ADAM22: variants seen among roughly 807,000 people sequenced by gnomAD.
The protein encoded by ADAM22 is disintegrin and metalloproteinase domain-containing protein 22.
A neutral mutation model predicts 144.6 loss-of-function variants in ADAM22; 65 were observed. The observed-to-expected ratio is 0.45, with a 90% confidence interval of 0.37 to 0.55. The LOEUF is 0.55. Among genes scored for constraint, ADAM22 ranks in the 20% least tolerant of loss-of-function variants. ADAM22 has a pLI of 0.00. For missense variants in ADAM22, 974 were observed against 1,184.9 expected (o/e 0.82, Z 2.61); for synonymous variants, 391 against 412.6 (o/e 0.95, Z 0.63).
chr7:88,123,544 A>G (rs1829780789), intron 7 of ADAM22, among the ~76,000 whole-genome samples: 1 of 152,064 alleles, frequency 6.6e-6, no homozygotes, highest in Admixed American at 6.6e-5. Context: ...TAGTATCTAT[A>G]GAATCTGTAG....
intron 12 of ADAM22, among the ~76,000 whole-genome samples, chr7:88,133,210 A>G (rs1832220865): frequency 6.6e-6 from 1 of 151,852 alleles, no homozygotes; most frequent in South Asian, 2.1e-4. Flanking sequence ...CAAAAATACA[A>G]AAATAGGTTG....
intron 3 of ADAM22, among the ~76,000 whole-genome samples, chr7:88,001,019 T>C (rs1388191103): frequency 6.6e-6 from 1 of 152,222 alleles, no homozygotes; most frequent in Non-Finnish European, 1.5e-5. Context: ...ATTGTTTCTA[T>C]CTTTTGGGGC....
chr7:87,982,701 T>TATATATATATATATATAA (rs1554373733), intron 3 of ADAM22, among the ~76,000 whole-genome samples: 928 of 33,366 alleles, frequency 0.028, 29 homozygotes, highest in African/African-American at 0.044. Context: ...ATATATATAA[T>TATATATATATATATATAA]TTTTTTTTTT....
chr7:88,081,256 T>A (rs2129482925), intron 4 of ADAM22, among the ~76,000 whole-genome samples: 1 of 152,258 alleles, frequency 6.6e-6, no homozygotes, highest in South Asian at 2.1e-4. Flanking sequence ...ATTATCTCAA[T>A]AGATGCAGAA....
intron 11 of ADAM22, chr7:88,131,725 A>G (rs537637850): frequency 2.2e-4 from 80 of 370,814 alleles, no homozygotes; most frequent in African/African-American, 6.2e-4. Context: ...ATTCTTAACT[A>G]CAGATAAATT....
chr7:88,158,932 G>A (rs1840767907), intron 22 of ADAM22, among the ~76,000 whole-genome samples: 2 of 151,916 alleles, frequency 1.3e-5, no homozygotes. Context: ...AAGAGACTGA[G>A]ACATGAAAAG....
intron 14 of ADAM22, among the ~76,000 whole-genome samples, chr7:88,136,385 A>G (rs2129505079): frequency 6.6e-6 from 1 of 152,236 alleles, no homozygotes; most frequent in Admixed American, 6.5e-5. Context: ...AAATTAGAAA[A>G]CAGCCTGGAT....
intron 3 of ADAM22, among the ~76,000 whole-genome samples, chr7:88,067,002 A>G (rs1811419529): frequency 1.3e-5 from 2 of 152,170 alleles, no homozygotes; most frequent in Admixed American, 1.3e-4. Flanking sequence ...TTAATATTAT[A>G]AAAATGCCCA....
intron 3 of ADAM22, among the ~76,000 whole-genome samples, chr7:87,985,265 A>G (rs957036850): frequency 3.8e-4 from 58 of 151,634 alleles, no homozygotes; most frequent in Non-Finnish European, 7.4e-4. Flanking sequence ...GTGAGCCGAG[A>G]TCGCACCACT....
At chr7:88,076,174 A>C (rs1332622444) in intron 4 of ADAM22, among the ~76,000 whole-genome samples, 1 of 151,972 alleles carries the variant, frequency 6.6e-6, no homozygotes, top group African/African-American at 2.4e-5. Flanking sequence ...AGTAGCTGGG[A>C]TTACAGGCGC....
intron 2 of ADAM22, among the ~76,000 whole-genome samples, chr7:87,953,162 G>A (rs1845704076): frequency 1.3e-5 from 2 of 151,682 alleles, no homozygotes; most frequent in Admixed American, 1.3e-4. Flanking sequence ...TCTGATTTTA[G>A]TTATTTCTTG....
At position 88,131,415 on chromosome 7, in the gene ADAM22, T is replaced by C. The variant is rs771685405; in HGVS notation, c.972T>C (p.Ser324=). The C allele has an allele frequency of 1.2e-6, 2 of 1,613,624 alleles. No individual in the cohort carries two copies. The highest frequency in any genetic ancestry group is 2.7e-5 in the African/African-American group (2 of 74,914). ...GGAGGGATTTTATCAAAGAGAAAAG[T>C]GATGCAGTTCACCTTTTTTCGTACG... ...KYRRDFIKEK[S]DAVHLFSGSQ... The change falls in exon 11 of 32, where the codon AGT becomes AGC. Residue 324 remains serine (S), a synonymous_variant. Transcript: ENST00000413139.
intron 4 of ADAM22, among the ~76,000 whole-genome samples, chr7:88,084,370 A>G (rs980126923): frequency 6.6e-6 from 1 of 152,168 alleles, no homozygotes; most frequent in African/African-American, 2.4e-5. Flanking sequence ...GATAAATACA[A>G]ACTTTGTCCA....
chr7:87,979,328 A>G (rs1329268217), intron 3 of ADAM22, among the ~76,000 whole-genome samples: 2 of 152,218 alleles, frequency 1.3e-5, no homozygotes, highest in African/African-American at 4.8e-5. Flanking sequence ...GCCATTAGCC[A>G]CTTGTGGCTG....
chr7:88,142,832 C>T (rs538042944), intron 14 of ADAM22, among the ~76,000 whole-genome samples, 194 bp from the exon 15 acceptor site: 8 of 142,766 alleles, frequency 5.6e-5, no homozygotes, highest in South Asian at 4.3e-4. Flanking sequence ...AGCTAGACTC[C>T]GTCTCAAAAA....
intron 2 of ADAM22, among the ~76,000 whole-genome samples, chr7:87,940,181 C>CAAAAAAA (rs35309253): frequency 2.6e-5 from 2 of 76,026 alleles, no homozygotes; most frequent in African/African-American, 4.7e-5. Flanking sequence ...GTCTTTATCT[C>CAAAAAAA]AAAAAAAAAA....
chr7:88,073,335 C>T (rs1813322460), intron 3 of ADAM22, among the ~76,000 whole-genome samples: 1 of 152,044 alleles, frequency 6.6e-6, no homozygotes, highest in South Asian at 2.1e-4. Flanking sequence ...AGAATTGCAG[C>T]CATCATATCA....
intron 3 of ADAM22, among the ~76,000 whole-genome samples, chr7:88,064,423 A>T (rs1467758639): frequency 6.6e-6 from 1 of 152,152 alleles, no homozygotes; most frequent in South Asian, 2.1e-4. Flanking sequence ...TTCCTCATCT[A>T]TATGGAGATA....
Position 88,202,311 on chromosome 7 carries a change from T to C in ADAM22, c.*5820T>C, listed in dbSNP as rs748912381. ...CTCCTTTTTTAACTTGCTGGAAGAC[T>C]TGCCCCTCCAAACTAGCACCCCCAA... On this transcript the variant is annotated 3_prime_UTR_variant, in exon 32 of 32. Coordinates refer to ENST00000413139, the MANE Select transcript of ADAM22 (RefSeq NM_001324418.2). 9 of 152,208 alleles carry C rather than the reference T, an allele frequency of 5.9e-5. No homozygotes were observed. The highest frequency in any genetic ancestry group is 9.7e-5 in the African/African-American group (4 of 41,444). 9.4% of individuals were successfully genotyped at this position (152,208 alleles called of 1,614,324 possible).
Sources: allele counts gnomAD v4.1 joint callset (sites outside exome capture counted in the v4.1 genomes callset), GRCh38; gene constraint gnomAD v4.1.1; transcripts MANE v1.5; gene names NCBI Gene and HGNC (gene_info 2026-07-23, HGNC 2026-07-21).